ANGPT1: variants seen among roughly 807,000 people sequenced by gnomAD.
ANGPT1 encodes angiopoietin 1, also known as angiopoietin-1.
In ANGPT1, 17 loss-of-function variants were observed where a neutral mutation model predicts 62.2. The ratio of observed to expected loss-of-function variants is 0.27; its 90% CI spans 0.19 to 0.41. The LOEUF (loss-of-function observed/expected upper bound fraction) is 0.41. Ranked by LOEUF, ANGPT1 falls within the 10% of genes least tolerant of loss-of-function variation. The probability of loss-of-function intolerance (pLI) is 1.00; values close to 1 mark genes in which losing one functional copy is unlikely to be tolerated. For synonymous variants in ANGPT1, 199 were observed against 198.9 expected (o/e 1.00, Z 0.00); for missense variants, 478 against 594.9 (o/e 0.80, Z 2.04).
At chr8:107,381,816 C>T (rs1816643184) in intron 1 of ANGPT1, among the ~76,000 whole-genome samples, 1 of 152,078 alleles carries the variant, frequency 6.6e-6, no homozygotes, top group African/African-American at 2.4e-5. Flanking sequence ...GAAAAGCAAG[C>T]CCTACAGGGT....
intron 2 of ANGPT1, among the ~76,000 whole-genome samples, chr8:107,342,782 TACACACACACACAC>T (rs751210643): frequency 0.24 from 33,687 of 138,516 alleles, 4,479 homozygotes; most frequent in South Asian, 0.32. Flanking sequence ...AACTGCCTAA[TACACACACACACAC>T]ACACACACAC....
intron 5 of ANGPT1, among the ~76,000 whole-genome samples, chr8:107,296,474 T>C (rs1586197703): frequency 6.6e-6 from 1 of 152,104 alleles, no homozygotes. Context: ...AAAAAATGAT[T>C]AAGAAAATAT....
At chr8:107,396,236 G>T (rs1816930695) in intron 1 of ANGPT1, among the ~76,000 whole-genome samples, 1 of 152,048 alleles carries the variant, frequency 6.6e-6, no homozygotes, top group Non-Finnish European at 1.5e-5. Context: ...TTCAAGGCAG[G>T]CATTTGTCTA....
At chr8:107,306,429 T>C (rs539860845) in intron 4 of ANGPT1, among the ~76,000 whole-genome samples, 19 of 152,100 alleles carry the variant, frequency 1.2e-4, no homozygotes, top group Non-Finnish European at 2.2e-4. Context: ...TAGTTAAGAT[T>C]TAAAGATTAT....
chr8:107,322,251 T>C, intron 3 of ANGPT1, 123 bp from the exon 4 acceptor site: 1 of 704,500 alleles, frequency 1.4e-6, no homozygotes, highest in Non-Finnish European at 2.3e-6. Context: ...TAAAAATATT[T>C]TTAAGTGAGA....
chr8:107,392,027 T>C (rs1244454762), intron 1 of ANGPT1, among the ~76,000 whole-genome samples: 1 of 152,190 alleles, frequency 6.6e-6, no homozygotes, highest in East Asian at 1.9e-4. Flanking sequence ...ATAGCTGTAA[T>C]CATTCAAAGT....
intron 1 of ANGPT1, among the ~76,000 whole-genome samples, chr8:107,361,747 C>G (rs1032490459): frequency 4.0e-5 from 6 of 151,608 alleles, no homozygotes; most frequent in African/African-American, 1.5e-4. Flanking sequence ...TATAAGAACA[C>G]GGAATGGTAG....
intron 1 of ANGPT1, among the ~76,000 whole-genome samples, chr8:107,485,547 T>C (rs371758714): frequency 6.6e-5 from 10 of 152,142 alleles, no homozygotes; most frequent in African/African-American, 2.4e-4. Flanking sequence ...ACTATCACAA[T>C]TGTCTACAAG....
chr8:107,365,856 AACACACACACAC>A (rs10627552), intron 1 of ANGPT1, among the ~76,000 whole-genome samples: 4 of 147,186 alleles, frequency 2.7e-5, no homozygotes, highest in East Asian at 4.0e-4. Context: ...AAACAAATAC[AACACACACACAC>A]ACACACACAC....
intron 4 of ANGPT1, among the ~76,000 whole-genome samples, chr8:107,317,952 C>G (rs571212777): frequency 2.6e-5 from 4 of 152,182 alleles, no homozygotes; most frequent in African/African-American, 9.6e-5. Flanking sequence ...TTTTAATAGT[C>G]ACAGTAACTG....
At chr8:107,343,824 G>A (rs1356677126) in intron 2 of ANGPT1, among the ~76,000 whole-genome samples, 2 of 152,180 alleles carry the variant, frequency 1.3e-5, no homozygotes, top group East Asian at 1.9e-4. Context: ...CACTTTGGGA[G>A]GCCAAGGCAG....
chr8:107,433,880 A>T (rs554025668), intron 1 of ANGPT1, among the ~76,000 whole-genome samples: 100 of 152,322 alleles, frequency 6.6e-4, no homozygotes, highest in Non-Finnish European at 1.1e-3. Flanking sequence ...CAAAGGCAGG[A>T]TGTTATAGAT....
chr8:107,376,247 A>C (rs927655004), intron 1 of ANGPT1, among the ~76,000 whole-genome samples: 4 of 152,110 alleles, frequency 2.6e-5, no homozygotes, highest in Non-Finnish European at 5.9e-5. Flanking sequence ...TAAATTCATA[A>C]CTCTTGCCAC....
At chr8:107,419,627 T>C (rs1191661757) in intron 1 of ANGPT1, among the ~76,000 whole-genome samples, 1 of 152,144 alleles carries the variant, frequency 6.6e-6, no homozygotes, top group Non-Finnish European at 1.5e-5. Flanking sequence ...TCCGTTAATC[T>C]GTCTTTGTCA....
intron 7 of ANGPT1, among the ~76,000 whole-genome samples, chr8:107,271,846 G>C (rs184658774): frequency 1.1e-4 from 17 of 148,066 alleles, no homozygotes; most frequent in Non-Finnish European, 2.5e-4. Flanking sequence ...ATATTTTGTT[G>C]AATGAATCCA....
At chr8:107,253,852 A>T (rs1813299495) in intron 8 of ANGPT1, among the ~76,000 whole-genome samples, 1 of 152,168 alleles carries the variant, frequency 6.6e-6, no homozygotes, top group African/African-American at 2.4e-5. Flanking sequence ...GAGTCAGGTA[A>T]ATTGATCTTG....
At chr8:107,279,438 T>C (rs1813944441) in intron 7 of ANGPT1, among the ~76,000 whole-genome samples, 1 of 152,190 alleles carries the variant, frequency 6.6e-6, no homozygotes, top group Non-Finnish European at 1.5e-5. Context: ...GTATGTGTTT[T>C]GGGTTTATTT....
At position 107,303,371 on chromosome 8, in the gene ANGPT1, C is replaced by CAAA. The variant is rs149628829; in HGVS notation, c.809-7_809-5dup. 2,286 of 1,427,886 alleles carry CAAA rather than the reference C, an allele frequency of 1.6e-3. 21 individuals carry two copies. The African/African-American group carries it at 0.03, about 19-fold the overall frequency. 88.5% of individuals were successfully genotyped at this position (1,427,886 alleles called of 1,614,324 possible). A position where few individuals can be genotyped will look rare whatever the true frequency, so the allele number is the denominator to read the frequency against. On this transcript the variant is annotated splice_polypyrimidine_tract_variant and splice_region_variant and intron_variant, in intron 4 of 8. Coordinates refer to ENST00000517746, the MANE Select transcript of ANGPT1 (RefSeq NM_001146.5). ...CTTTTTCCTCCCTTTAGTAAAACTGCAAAAAAAAAAAAAAAGATTGCAATA... is the reference window on the plus strand; with the variant it reads ...CTTTTTCCTCCCTTTAGTAAAACTGCAAAAAAAAAAAAAAAAAAGATTGCAATA...
At chr8:107,302,043 G>A (rs1232440443) in intron 5 of ANGPT1, among the ~76,000 whole-genome samples, 1 of 151,934 alleles carries the variant, frequency 6.6e-6, no homozygotes, top group Non-Finnish European at 1.5e-5. Context: ...GCATGGAAGT[G>A]TTGATATTGC....
Sources: gnomAD v4.1 joint callset for allele counts (sites outside exome capture counted in the v4.1 genomes callset) on GRCh38, gnomAD v4.1.1 for gene constraint, MANE v1.5 for transcripts, NCBI Gene and HGNC (gene_info 2026-07-23, HGNC 2026-07-21) for gene names.